The following NUDT9 variants were observed in gnomAD, a reference collection of about 807,000 sequenced individuals.
NUDT9 encodes nudix hydrolase 9, also known as ADP-ribose pyrophosphatase.
NUDT9 carries 31 observed loss-of-function variants against 41.0 expected under a neutral mutation model. The ratio of observed to expected loss-of-function variants is 0.76; its 90% CI spans 0.57 to 1.02. NUDT9 has a LOEUF of 1.02. Ranked by LOEUF, NUDT9 falls within the 50% of genes least tolerant of loss-of-function variation. NUDT9 has a pLI of 0.00. For missense variants in NUDT9, 380 were observed against 431.4 expected (o/e 0.88, Z 1.06); for synonymous variants, 146 against 147.6 (o/e 0.99, Z 0.08).
At chr4:87,443,247 A>G (rs1271252109) in intron 4 of NUDT9, among the ~76,000 whole-genome samples, 1 of 149,530 alleles carries the variant, frequency 6.7e-6, no homozygotes, top group Admixed American at 6.6e-5. Context: ...TGGCACGACT[A>G]TACACACACA....
intron 3 of NUDT9, among the ~76,000 whole-genome samples, 162 bp from the exon 4 acceptor site, chr4:87,441,667 T>C (rs1263322701): frequency 6.6e-6 from 1 of 152,202 alleles, no homozygotes; most frequent in African/African-American, 2.4e-5. Context: ...AATAGCAGTG[T>C]CATGAAATAC....
At chr4:87,437,131 TC>T (rs1262162149) in intron 2 of NUDT9, among the ~76,000 whole-genome samples, 1 of 150,938 alleles carries the variant, frequency 6.6e-6, no homozygotes, top group African/African-American at 2.4e-5. Context: ...GTTCCTGTAG[TC>T]CCAGCTACTC....
chr4:87,436,509 C>T (rs933545827), intron 2 of NUDT9, among the ~76,000 whole-genome samples: 1 of 151,952 alleles, frequency 6.6e-6, no homozygotes, highest in South Asian at 2.1e-4. Flanking sequence ...AGAGTTCTCA[C>T]TGTATCATCC....
intron 4 of NUDT9, among the ~76,000 whole-genome samples, chr4:87,444,570 T>G (rs1722364452): frequency 6.6e-6 from 1 of 152,230 alleles, no homozygotes; most frequent in Admixed American, 6.5e-5. Flanking sequence ...AGTGTTAGTT[T>G]CTGATTTTGG....
chr4:87,456,768 A>G (rs1405152959), intron 7 of NUDT9, among the ~76,000 whole-genome samples: 1 of 151,972 alleles, frequency 6.6e-6, no homozygotes, highest in East Asian at 1.9e-4. Flanking sequence ...GTCTCTACTA[A>G]GAATACAAAA....
At chr4:87,437,371 C>G (rs539778733) in intron 2 of NUDT9, among the ~76,000 whole-genome samples, 1 of 151,790 alleles carries the variant, frequency 6.6e-6, no homozygotes, top group East Asian at 1.9e-4. Context: ...GATGGAGTCT[C>G]GCTCTGTCGC....
At chr4:87,426,360 A>G (rs10027786) in intron 1 of NUDT9, among the ~76,000 whole-genome samples, 47,082 of 151,766 alleles carry the variant, frequency 0.31, 7,818 homozygotes, top group Non-Finnish European at 0.38. Flanking sequence ...TCTACTCTCA[A>G]TTGTGTGACC....
At chr4:87,438,159 C>G in intron 2 of NUDT9, 118 bp from the exon 3 acceptor site, 4 of 456,582 alleles carry the variant, frequency 8.8e-6, no homozygotes, top group Non-Finnish European at 1.2e-5. Context: ...AAAAACTAAC[C>G]CTTAAAAATT....
At position 87,458,227 on chromosome 4, in the gene NUDT9, G is replaced by A. The variant is rs1723074817; in HGVS notation, c.*206G>A. 2 of 403,326 alleles carry A rather than the reference G, an allele frequency of 5.0e-6. No homozygotes were observed. The highest frequency in any genetic ancestry group is 2.1e-5 in the African/African-American group (1 of 48,472). The allele number at this position is 403,326 out of a possible 1,614,324, so 25.0% of individuals were successfully genotyped here. On this transcript the variant is annotated 3_prime_UTR_variant, in exon 8 of 8. Transcript: ENST00000302174. ...AAATTTTCAGCTCTTTGGTCAAAAG[G>A]AATATAAGTAATCATATTTTGTATG...
rs116077134 is a variant in NUDT9, at chr4:87,438,733, T to C, written c.443+361T>C. Among the ~76,000 whole-genome samples, 1,180 of 152,322 alleles carry C rather than the reference T, an allele frequency of 7.7e-3. 16 individuals carry two copies. The highest frequency in any genetic ancestry group is 0.027 in the African/African-American group (1,139 of 41,566). On this transcript the variant is annotated intron_variant, in intron 3 of 7. Transcript: ENST00000302174. ...CTTAAAGTAAGAATTTATCCAAACA[T>C]GTAAGAGTAAAAATAAAGATAACCC...
chr4:87,432,046 A>G (rs1453866977), intron 1 of NUDT9, among the ~76,000 whole-genome samples: 1 of 152,166 alleles, frequency 6.6e-6, no homozygotes, highest in Non-Finnish European at 1.5e-5. Flanking sequence ...AACTTTGCTG[A>G]ATTCATTTAT....
chr4:87,425,541 C>A (rs1439718176), intron 1 of NUDT9, among the ~76,000 whole-genome samples: 1 of 150,982 alleles, frequency 6.6e-6, no homozygotes, highest in Admixed American at 6.6e-5. Flanking sequence ...ATTACAGGCG[C>A]CCATCACCAT....
intron 7 of NUDT9, among the ~76,000 whole-genome samples, chr4:87,455,467 A>G (rs1414611498): frequency 1.3e-5 from 2 of 152,114 alleles, no homozygotes; most frequent in African/African-American, 2.4e-5. Context: ...GATCCTCCAG[A>G]AGTTGATTAT....
chr4:87,443,173 C>T (rs1578074484), intron 4 of NUDT9, among the ~76,000 whole-genome samples: 1 of 152,010 alleles, frequency 6.6e-6, no homozygotes, highest in South Asian at 2.1e-4. Flanking sequence ...TGTTTCAGCT[C>T]CATTGTAATC....
intron 1 of NUDT9, among the ~76,000 whole-genome samples, chr4:87,424,140 G>A (rs1446579183): frequency 6.6e-6 from 1 of 151,874 alleles, no homozygotes; most frequent in Non-Finnish European, 1.5e-5. Context: ...GGAGGACTGA[G>A]TGATTTCCAT....
chr4:87,423,527 C>T (rs958166275), intron 1 of NUDT9, among the ~76,000 whole-genome samples: 2 of 152,022 alleles, frequency 1.3e-5, no homozygotes, highest in African/African-American at 4.8e-5. Flanking sequence ...TCCTTCTGTT[C>T]TTCCCTTCTC....
intron 7 of NUDT9, 50 bp downstream of exon 7, chr4:87,454,505 C>T (rs1425401419): frequency 1.8e-6 from 2 of 1,119,482 alleles, no homozygotes; most frequent in Non-Finnish European, 2.7e-6. Context: ...CAATTTAAGC[C>T]ATTAGCCCAC....
intron 5 of NUDT9, 31 bp from the exon 6 acceptor site, chr4:87,451,558 C>T: frequency 6.3e-7 from 1 of 1,590,936 alleles, no homozygotes; most frequent in Non-Finnish European, 8.6e-7. Flanking sequence ...AAGCTGATCC[C>T]TTTTTTCAAA....
intron 6 of NUDT9, among the ~76,000 whole-genome samples, chr4:87,452,159 C>T (rs977804648): frequency 3.3e-5 from 5 of 151,996 alleles, no homozygotes; most frequent in Non-Finnish European, 5.9e-5. Flanking sequence ...TCCACCACCA[C>T]GCCCGGCTAA....
Sources: allele counts gnomAD v4.1 joint callset (sites outside exome capture counted in the v4.1 genomes callset), GRCh38; gene constraint gnomAD v4.1.1; transcripts MANE v1.5; gene names NCBI Gene and HGNC (gene_info 2026-07-23, HGNC 2026-07-21).